Variants in WASHC4 observed in about 807,000 individuals in gnomAD.
WASHC4 encodes the protein WASH complex subunit 4.
A neutral mutation model predicts 166.6 loss-of-function variants in WASHC4; 86 were observed. The observed-to-expected ratio is 0.52, with a 90% CI of 0.43 to 0.62. The LOEUF (loss-of-function observed/expected upper bound fraction) is 0.62. Ranked by LOEUF, WASHC4 falls within the 20% of genes least tolerant of loss-of-function variation. The probability of loss-of-function intolerance (pLI) is 0.00; values close to 1 mark genes in which losing one functional copy is unlikely to be tolerated. For synonymous variants in WASHC4, 446 were observed against 451.6 expected, an observed-to-expected ratio of 0.99 and a Z score of 0.16; for missense variants, 1,262 against 1,382.4, an observed-to-expected ratio of 0.91 and a Z score of 1.38.
Position 105,142,465 on chromosome 12 carries a change from A to G in WASHC4, c.1800A>G (p.Gln600=), listed in dbSNP as rs564285672. 1.0e-5 allele frequency: 16 copies of G among 1,602,858 alleles called. No homozygotes were observed. The highest frequency in any genetic ancestry group is 8.0e-5 in the African/African-American group (6 of 74,834). ...CTTTACATTGTAGAGTCCAAACACAATGTGACTGTTGTTTTTTATACTGGC... is the reference window on the plus strand; with the variant it reads ...CTTTACATTGTAGAGTCCAAACACAGTGTGACTGTTGTTTTTTATACTGGC... ...ISELRERVQT[Q]CDCCFLYWHR... The change falls in exon 19 of 33, where the codon CAA becomes CAG. Residue 600 remains glutamine, a synonymous_variant. Coordinates refer to ENST00000332180, the MANE Select transcript of WASHC4 (RefSeq NM_015275.3).
intron 24 of WASHC4, chr12:105,148,388 CAG>C (rs1200832842): frequency 3.1e-6 from 3 of 983,140 alleles, no homozygotes; most frequent in Non-Finnish European, 3.6e-6. Flanking sequence ...TTTTATGTGT[CAG>C]GGACTGTGCT....
intron 10 of WASHC4, among the ~76,000 whole-genome samples, chr12:105,125,424 G>A (rs1881191773): frequency 1.3e-5 from 2 of 152,080 alleles, no homozygotes; most frequent in Non-Finnish European, 2.9e-5. Flanking sequence ...TATCCATAAG[G>A]CTTTTGGTCA....
Position 105,167,308 on chromosome 12 carries a change from T to C in WASHC4, c.*377T>C. 1 of 230,016 alleles carries C rather than the reference T, an allele frequency of 4.3e-6. No individual in the cohort carries two copies. The highest frequency in any genetic ancestry group is 8.8e-6 in the Non-Finnish European group (1 of 113,818). 14.2% of individuals were successfully genotyped at this position (230,016 alleles called of 1,614,324 possible). The stretch of plus-strand genomic sequence containing the variant: ...ATAGTTATTTCAAGTCATGGGAAAT[T>C]CAATGCATATACTATATACAGCCAG... On this transcript the variant is annotated 3_prime_UTR_variant, in exon 33 of 33. Transcript: ENST00000332180.
chr12:105,134,437 GTCA>G (rs1168501306), intron 14 of WASHC4, among the ~76,000 whole-genome samples: 4 of 152,098 alleles, frequency 2.6e-5, no homozygotes. Flanking sequence ...GATACTGAGA[GTCA>G]TGTTAGAATT....
intron 13 of WASHC4, among the ~76,000 whole-genome samples, chr12:105,132,487 T>A (rs923508707): frequency 6.6e-6 from 1 of 152,210 alleles, no homozygotes; most frequent in African/African-American, 2.4e-5. Context: ...CTAAGTTTTT[T>A]AAAGAAAAGT....
At chr12:105,148,384 G>A (rs143472122) in intron 24 of WASHC4, 17,484 of 983,398 alleles carry the variant, frequency 0.018, 208 homozygotes, top group Middle Eastern at 0.058. Context: ...TGTATTTTAT[G>A]TGTCAGGGAC....
intron 24 of WASHC4, chr12:105,149,262 G>A: frequency 1.0e-6 from 1 of 985,350 alleles, no homozygotes; most frequent in Non-Finnish European, 1.2e-6. Context: ...TCTTACTGAT[G>A]GAGGAACATA....
At chr12:105,138,122 T>A in intron 15 of WASHC4, 111 bp downstream of exon 15, 1 of 1,053,590 alleles carries the variant, frequency 9.5e-7, no homozygotes, top group Non-Finnish European at 1.4e-6. Context: ...CAGAAAATTG[T>A]GAGAAAGTAC....
At chr12:105,140,816 T>C (rs1203849818) in intron 16 of WASHC4, 83 bp from the exon 17 acceptor site, 1 of 1,333,978 alleles carries the variant, frequency 7.5e-7, no homozygotes, top group Non-Finnish European at 1.1e-6. Context: ...AATTGAATCA[T>C]GGAAAAGATA....
At chr12:105,123,855 AGTGCCC>A (rs1566000204) in intron 10 of WASHC4, among the ~76,000 whole-genome samples, 2 of 152,180 alleles carry the variant, frequency 1.3e-5, no homozygotes, top group Admixed American at 1.3e-4. Context: ...AAAGAAAGCC[AGTGCCC>A]ATTTGCCATT....
intron 32 of WASHC4, 40 bp downstream of exon 32, chr12:105,164,780 C>T (rs1351141434): frequency 3.6e-6 from 5 of 1,376,530 alleles, no homozygotes; most frequent in Non-Finnish European, 5.2e-6. Flanking sequence ...CAATAAATGT[C>T]TTTAGTAATA....
chr12:105,129,196 A>T (rs575981718), intron 13 of WASHC4, among the ~76,000 whole-genome samples: 155 of 152,082 alleles, frequency 1.0e-3, no homozygotes, highest in South Asian at 4.0e-3. Context: ...TGCCTGCTTC[A>T]GCCTCCCAAA....
At position 105,141,321 on chromosome 12, in the gene WASHC4, G is replaced by A; in HGVS notation, c.1787+75G>A. 2.9e-6 allele frequency: 3 copies of A among 1,045,566 alleles called. No individual in the cohort carries two copies. The South Asian group carries it at 3.8e-5, about 13-fold the overall frequency. The allele number at this position is 1,045,566 out of a possible 1,614,324, so 64.8% of individuals were successfully genotyped here. On this transcript the variant is annotated intron_variant, in intron 18 of 32. Transcript: ENST00000332180. ...AAACATTGATTTTCTTTTTAGCATA[G>A]CAAGAGAAGAAATAAAATTCAGATC... is the stretch of plus-strand genomic sequence containing the variant.
At chr12:105,117,548 TAAAAATAAAATGCGTTATTTA>T (rs1880303236) in intron 6 of WASHC4, among the ~76,000 whole-genome samples, 1 of 152,224 alleles carries the variant, frequency 6.6e-6, no homozygotes, top group Admixed American at 6.5e-5. Flanking sequence ...TATAACTATT[TAAAAATAAAATGCGTTATTTA>T]TTTTCATTTT....
At chr12:105,152,000 C>A (rs924531432) in intron 25 of WASHC4, among the ~76,000 whole-genome samples, 2 of 152,120 alleles carry the variant, frequency 1.3e-5, no homozygotes, top group African/African-American at 4.8e-5. Flanking sequence ...GTCCCTAATA[C>A]CTATTCAGCC....
At position 105,140,391 on chromosome 12, in the gene WASHC4, C is replaced by G. The variant is rs778816906; in HGVS notation, c.1550C>G (p.Ser517Cys). 3 of 1,608,748 alleles carry G rather than the reference C, an allele frequency of 1.9e-6. No homozygotes were observed. The stretch of plus-strand genomic sequence containing the variant: ...CAACATCAGGCTCTTCATTCTATTT[C>G]TGTGGCCAAGGTATGCAGCTTATTA... ...HLQHQALHSI[S>C]VAKKRVISDK... The change falls in exon 16 of 33, where the codon TCT becomes TGT. Residue 517 changes from serine to cysteine, a missense_variant. Physicochemically the swap from Ser to Cys is moderately radical, Grantham distance 112 (BLOSUM62 -1). Transcript: ENST00000332180.
Position 105,164,382 on chromosome 12 carries a change from C to T in WASHC4, c.3354+75C>T, listed in dbSNP as rs1051406342. On this transcript the variant is annotated intron_variant, in intron 31 of 32. Transcript: ENST00000332180. ...CCATGACTTCTTAATGTCTGAAAAGCAGAAGCCATATAGAAACTACCATTT... is the reference window on the plus strand; with the variant it reads ...CCATGACTTCTTAATGTCTGAAAAGTAGAAGCCATATAGAAACTACCATTT... 1.3e-4 allele frequency: 171 copies of T among 1,306,704 alleles called. 2 individuals carry two copies. The Middle Eastern group carries it at 2.5e-3, about 19-fold the overall frequency. 80.9% of individuals were successfully genotyped at this position (1,306,704 alleles called of 1,614,324 possible). A position where few individuals can be genotyped will look rare whatever the true frequency, so the allele number is the denominator to read the frequency against.
At chr12:105,108,121 G>T (rs1879260932) in intron 1 of WASHC4, among the ~76,000 whole-genome samples, 1 of 152,194 alleles carries the variant, frequency 6.6e-6, no homozygotes, top group Admixed American at 6.5e-5. Flanking sequence ...GTGCCCCGCG[G>T]GGAGCGGCGT....
chr12:105,141,051 T>C lies in WASHC4; in HGVS notation c.1707+6T>C, dbSNP rs771781768. The C allele has an allele frequency of 6.2e-7, 1 of 1,614,078 alleles. No individual in the cohort carries two copies. Among genetic ancestry groups the C allele is most frequent in the East Asian group, 2.2e-5 (1 of 44,874 alleles). On this transcript the variant is annotated splice_donor_region_variant and intron_variant, in intron 17 of 32. Coordinates refer to ENST00000332180, the MANE Select transcript of WASHC4 (RefSeq NM_015275.3). ...TAAGTGTTGGCACACAAATGGTAAG[T>C]GTATTGCTATTACTTATGGAACAGA...
Sources: gnomAD v4.1 joint callset for allele counts (sites outside exome capture counted in the v4.1 genomes callset) on GRCh38, gnomAD v4.1.1 for gene constraint, MANE v1.5 for transcripts, NCBI Gene and HGNC (gene_info 2026-07-23, HGNC 2026-07-21) for gene names.